TEX15: variants seen among roughly 807,000 people sequenced by gnomAD.
TEX15 encodes testis-expressed protein 15.
Under a neutral mutation model 237.3 loss-of-function variants are expected in TEX15, and 171 were observed. The observed-to-expected ratio is 0.72, with a 90% CI of 0.64 to 0.82. The LOEUF (loss-of-function observed/expected upper bound fraction) is 0.82. TEX15 is among the 40% of genes least tolerant of loss of function. The pLI, the probability that TEX15 is intolerant of heterozygous loss-of-function variation, is 0.00. For synonymous variants in TEX15, 1,338 were observed against 1,269.8 expected (o/e 1.05, Z -1.14); for missense variants, 3,750 against 3,646.5 (o/e 1.03, Z -0.73).
Position 30,844,349 on chromosome 8 carries a change from A to G in TEX15, c.5818T>C (p.Leu1940=). The G allele has an allele frequency of 6.2e-7, 1 of 1,611,542 alleles. No homozygotes were observed. The highest frequency in any genetic ancestry group is 8.5e-7 in the Non-Finnish European group (1 of 1,179,116). ...VSKDSQSDLT[L]HSEIAYISKP... ...GAAATATAGGCTATTTCTGAATGTA[A>G]TGTCAAGTCAGACTGCGAGTCTTTA... Residue 1940 remains leucine, a synonymous_variant, in exon 8 of 11, where the codon TTA becomes CTA. Transcript: ENST00000643185.
rs1390866595 is a variant in TEX15 at position 30,867,323 on chromosome 8, A to G, written c.482T>C (p.Ile161Thr). The G allele has an allele frequency of 2.0e-6, 3 of 1,525,644 alleles. No individual in the cohort carries two copies. Among genetic ancestry groups the G allele is most frequent in the Non-Finnish European group, 1.8e-6 (2 of 1,137,626 alleles). The allele number at this position is 1,525,644 out of a possible 1,614,324, so 94.5% of individuals were successfully genotyped here. A position where few individuals can be genotyped will look rare whatever the true frequency, so the allele number is the denominator to read the frequency against. Residue 161 changes from isoleucine to threonine, a missense_variant, in exon 5 of 11, where the codon ATT becomes ACT. Coordinates refer to ENST00000643185, the MANE Select transcript of TEX15 (RefSeq NM_001350162.2). ...TTGACTATGAGAATAATTCAAGGCA[A>G]TATCAACATGTCTAAACATATAAAT... ...LGIYMFRHVD[I>T]ALNYSHSQSI...
intron 1 of TEX15, among the ~76,000 whole-genome samples, chr8:30,901,669 CAG>C (rs1809008870): frequency 6.6e-6 from 1 of 152,060 alleles, no homozygotes; most frequent in Non-Finnish European, 1.5e-5. Context: ...TAAAAAGAAA[CAG>C]AAGCAGAGAA....
At chr8:30,855,536 T>C (rs1158044625) in intron 7 of TEX15, among the ~76,000 whole-genome samples, 1 of 152,214 alleles carries the variant, frequency 6.6e-6, no homozygotes, top group Non-Finnish European at 1.5e-5. Flanking sequence ...AGTCTGGCAG[T>C]TCCTTGATTA....
At position 30,887,204 on chromosome 8, in the gene TEX15, T is replaced by C; in HGVS notation, c.99A>G (p.Lys33=). ...TCCTCCTGATCTTAGGAATGGTGAA[T>C]TTCTTCAAAGGATTGACTTCACGAG... ...LNTREVNPLK[K]FTIPKIRRTA... Residue 33 remains lysine (K), a synonymous_variant, in exon 3 of 11, where the codon AAA becomes AAG. Transcript: ENST00000643185. 6.5e-7 allele frequency: 1 copy of C among 1,535,586 alleles called. No homozygotes were observed. The highest frequency in any genetic ancestry group is 8.7e-7 in the Non-Finnish European group (1 of 1,146,708).
intron 4 of TEX15, among the ~76,000 whole-genome samples, chr8:30,873,572 C>T (rs1162999604): frequency 6.6e-6 from 1 of 152,022 alleles, no homozygotes; most frequent in African/African-American, 2.4e-5. Context: ...TGCCCTCTTC[C>T]CTTGAAGTAA....
Position 30,843,432 on chromosome 8 carries a change from G to C in TEX15, c.6735C>G (p.Ile2245Met). Reference sequence around the variant, plus strand: ...TCTTAATAAAATTAACCTTTGAGGAGATCATTTCTATGATAATCCACAGAT... The same window carrying C: ...TCTTAATAAAATTAACCTTTGAGGACATCATTTCTATGATAATCCACAGAT... ...QDHLWIIIEM[I>M]SSKVNFIKNN... The change falls in exon 8 of 11, where the codon ATC becomes ATG. Residue 2245 changes from isoleucine (I) to methionine (M), a missense_variant. Coordinates refer to ENST00000643185, the MANE Select transcript of TEX15 (RefSeq NM_001350162.2). 6.2e-7 allele frequency: 1 copy of C among 1,613,082 alleles called. No homozygotes were observed. Among genetic ancestry groups the C allele is most frequent in the Non-Finnish European group, 8.5e-7 (1 of 1,179,586 alleles).
chr8:30,878,430 C>A (rs1228230849), intron 3 of TEX15, among the ~76,000 whole-genome samples: 2 of 152,058 alleles, frequency 1.3e-5, no homozygotes, highest in Non-Finnish European at 2.9e-5. Context: ...GTTGCCCAGG[C>A]TAGAGTGCAA....
Position 30,867,492 on chromosome 8 carries a change from G to T in TEX15, c.313C>A (p.Arg105Ser). 6.5e-7 allele frequency: 1 copy of T among 1,530,150 alleles called. No individual in the cohort carries two copies. The highest frequency in any genetic ancestry group is 8.8e-7 in the Non-Finnish European group (1 of 1,142,150). The allele number at this position is 1,530,150 out of a possible 1,614,324, so 94.8% of individuals were successfully genotyped here. The change falls in exon 5 of 11, where the codon CGT becomes AGT. Residue 105 changes from arginine (R) to serine (S), a missense_variant. Coordinates refer to ENST00000643185, the MANE Select transcript of TEX15 (RefSeq NM_001350162.2). ...TCCCTGCAATGTCTTCCACTTTCAC[G>T]CATCTCTGACCTAAAGTAAAACAAA... is the stretch of plus-strand genomic sequence containing the variant. ...KNFTAKRSEM[R>S]ESGRHCRELE... is the part of the protein sequence containing the mutation.
Position 30,871,138 on chromosome 8 carries a change from A to C in TEX15, c.303-3636T>G, listed in dbSNP as rs977694779. 2.0e-5 allele frequency among the ~76,000 whole-genome samples: 3 copies of C among 152,146 alleles called. No individual in the cohort carries two copies. In the South Asian group the frequency reaches 6.2e-4, roughly 32 times the overall value. On this transcript the variant is annotated intron_variant, in intron 4 of 10. Transcript: ENST00000643185. ...CTGTTACTAAAAGCTCCTGTGATTA[A>C]ACTGAGCCCACTAATATCACCTCAG...
intron 3 of TEX15, among the ~76,000 whole-genome samples, chr8:30,885,413 C>T (rs553613275): frequency 1.0e-3 from 158 of 152,250 alleles, no homozygotes; most frequent in African/African-American, 3.4e-3. Context: ...TGCTGCCATC[C>T]ATGTAAGATG....
Position 30,842,390 on chromosome 8 carries a change from T to C in TEX15, c.7777A>G (p.Thr2593Ala), listed in dbSNP as rs757415984. The C allele has an allele frequency of 2.9e-5, 46 of 1,613,648 alleles. No individual in the cohort carries two copies. The East Asian group carries it at 7.6e-4, about 27-fold the overall frequency. ...ELEYNYNQFSTLLKNVMSAPR... is the reference protein window; with the variant it reads ...ELEYNYNQFSALLKNVMSAPR... Reference sequence around the variant, plus strand: ...GCAGACATTACATTCTTCAGCAGTGTAGAAAATTGATTGTAGTTGTATTCT... The same window carrying C: ...GCAGACATTACATTCTTCAGCAGTGCAGAAAATTGATTGTAGTTGTATTCT... The change falls in exon 8 of 11, where the codon ACA becomes GCA. Residue 2593 changes from threonine to alanine, a missense_variant. Thr to Ala is a moderately conservative substitution (Grantham distance 58). Coordinates refer to ENST00000643185, the MANE Select transcript of TEX15 (RefSeq NM_001350162.2).
rs1563231347 is a variant in TEX15, at chr8:30,842,191, A to G, written c.7976T>C (p.Ile2659Thr). 1.9e-6 allele frequency: 3 copies of G among 1,612,092 alleles called. No individual in the cohort carries two copies. Among genetic ancestry groups the G allele is most frequent in the Non-Finnish European group, 2.5e-6 (3 of 1,179,338 alleles). Reference protein sequence around the residue: ...LQLKRKEKMNIHIVKPGENNN... With the variant: ...LQLKRKEKMNTHIVKPGENNN... ...ATTTTCCCCAGGTTTTACAATATGA[A>G]TATTCATTTTTTCTTTTCTCTTCAG... is the stretch of plus-strand genomic sequence containing the variant. The change falls in exon 8 of 11, where the codon ATT becomes ACT. Residue 2659 changes from isoleucine to threonine, a missense_variant. Transcript: ENST00000643185.
intron 7 of TEX15, among the ~76,000 whole-genome samples, chr8:30,857,848 C>G (rs1042955075): frequency 1.3e-5 from 2 of 152,136 alleles, no homozygotes; most frequent in Non-Finnish European, 2.9e-5. Flanking sequence ...ACATATCACA[C>G]TCATTAGACT....
rs1808192874 is a variant in TEX15, at chr8:30,867,262, T to C, written c.540+3A>G. ...TACTTAATATTTGTTTTATGATACCTACCTTAAAAATTAAAATACTTTCTA... is the reference window on the plus strand; with the variant it reads ...TACTTAATATTTGTTTTATGATACCCACCTTAAAAATTAAAATACTTTCTA... On this transcript the variant is annotated splice_donor_region_variant and intron_variant, in intron 5 of 10. Coordinates refer to ENST00000643185, the MANE Select transcript of TEX15 (RefSeq NM_001350162.2). 2 of 1,386,506 alleles carry C rather than the reference T, an allele frequency of 1.4e-6. No homozygotes were observed. The highest frequency in any genetic ancestry group is 2.0e-6 in the Non-Finnish European group (2 of 1,012,532). 85.9% of individuals were successfully genotyped at this position (1,386,506 alleles called of 1,614,324 possible).
chr8:30,889,954 C>CGTATATATATATATATACACATAT (rs767323464), intron 2 of TEX15, among the ~76,000 whole-genome samples: 1 of 110,086 alleles, frequency 9.1e-6, no homozygotes, highest in African/African-American at 4.5e-5. Flanking sequence ...TATATATATA[C>CGTATATATATATATATACACATAT]ATATATATAT....
At chr8:30,858,096 C>G (rs1429324046) in intron 7 of TEX15, among the ~76,000 whole-genome samples, 1 of 152,090 alleles carries the variant, frequency 6.6e-6, no homozygotes, top group Non-Finnish European at 1.5e-5. Context: ...GCCCAAACAT[C>G]CTCAGTAGGA....
chr8:30,846,461 C>T lies in TEX15; in HGVS notation c.3706G>A (p.Glu1236Lys). ...CTCAAGTCAAAAGAAAGGGAGATTT[C>T]AGAGTTACTCACTGGCCCTGATTCT... ...RQESGPVSNS[E>K]ISLSFDLSRN... The change falls in exon 8 of 11, where the codon GAA (glutamate) becomes AAA (lysine). Residue 1236 changes from glutamate to lysine, a missense_variant. Physicochemically the swap from Glu to Lys is moderately conservative, Grantham distance 56. Coordinates refer to ENST00000643185, the MANE Select transcript of TEX15 (RefSeq NM_001350162.2). 6.2e-7 allele frequency: 1 copy of T among 1,613,184 alleles called. No individual in the cohort carries two copies. The highest frequency in any genetic ancestry group is 8.5e-7 in the Non-Finnish European group (1 of 1,179,696).
intron 6 of TEX15, 53 bp downstream of exon 6, chr8:30,859,858 C>A: frequency 7.8e-7 from 1 of 1,280,702 alleles, no homozygotes; most frequent in Non-Finnish European, 9.9e-7. Flanking sequence ...AGTCTTAAAA[C>A]ATACAATGTG....
chr8:30,863,040 A>G (rs1690649656), intron 5 of TEX15, among the ~76,000 whole-genome samples: 1 of 152,146 alleles, frequency 6.6e-6, no homozygotes, highest in South Asian at 2.1e-4. Flanking sequence ...GATCTCTGGA[A>G]CCTACTGAAG....
Sources: gnomAD v4.1 joint callset for allele counts (sites outside exome capture counted in the v4.1 genomes callset) on GRCh38, gnomAD v4.1.1 for gene constraint, MANE v1.5 for transcripts, NCBI Gene and HGNC (gene_info 2026-07-23, HGNC 2026-07-21) for gene names.